Variants in GPC3 observed in about 807,000 individuals in gnomAD.
The protein encoded by GPC3 is glypican 3.
In GPC3, 3 loss-of-function variants were observed where a neutral mutation model predicts 34.4. The observed-to-expected ratio is 0.09, with a 90% CI of 0.04 to 0.23. GPC3 has a LOEUF of 0.23. Ranked by LOEUF, GPC3 falls within the 10% of genes least tolerant of loss-of-function variation. The pLI, the probability that GPC3 is intolerant of heterozygous loss-of-function variation, is 1.00. For synonymous variants in GPC3, 177 were observed against 174.0 expected (o/e 1.02, Z -0.13); for missense variants, 351 against 445.6 (o/e 0.79, Z 1.91).
intron 2 of GPC3, among the ~76,000 whole-genome samples, chrX:133,891,774 G>A (rs1288867595): frequency 9.8e-6 from 1 of 102,063 alleles, no homozygotes; most frequent in South Asian, 4.6e-4. Flanking sequence ...ACTCCAGCCT[G>A]GGCGACAGAG....
intron 6 of GPC3, among the ~76,000 whole-genome samples, chrX:133,654,691 G>A (rs1013073926): frequency 2.8e-5 from 3 of 108,341 alleles, no homozygotes; most frequent in Non-Finnish European, 5.7e-5. Flanking sequence ...CAGCCTGAGC[G>A]ACTGAGTGAG....
chrX:133,965,080 G>T (rs1486126774), intron 1 of GPC3, among the ~76,000 whole-genome samples: 1 of 111,450 alleles, frequency 9.0e-6, no homozygotes, highest in Non-Finnish European at 1.9e-5. Flanking sequence ...CTTCAAACAA[G>T]TTCCTCCTTA....
At chrX:133,726,647 A>G (rs1056460769) in intron 3 of GPC3, among the ~76,000 whole-genome samples, 1 of 111,061 alleles carries the variant, frequency 9.0e-6, no homozygotes, top group African/African-American at 3.3e-5. Flanking sequence ...TCTTGATCCC[A>G]TGTGCTCAAA....
chrX:133,797,385 C>T (rs2075587352), intron 2 of GPC3, among the ~76,000 whole-genome samples: 1 of 111,593 alleles, frequency 9.0e-6, no homozygotes, highest in South Asian at 3.8e-4. Flanking sequence ...TTATTACATG[C>T]TGCCATGCTT....
intron 6 of GPC3, among the ~76,000 whole-genome samples, chrX:133,622,245 T>C (rs2070241897): frequency 1.8e-5 from 2 of 111,686 alleles, no homozygotes; most frequent in South Asian, 3.8e-4. Flanking sequence ...TCGGAGCACC[T>C]CCTCTCCTCC....
chrX:133,576,339 G>A (rs1434533994), intron 7 of GPC3, among the ~76,000 whole-genome samples: 1 of 111,286 alleles, frequency 9.0e-6, no homozygotes, highest in African/African-American at 3.3e-5. Flanking sequence ...CTCCTCCTGG[G>A]TTCAAGTGAT....
rs193285517 is a variant in GPC3 at position 133,647,381 on chromosome X, G to A, written c.1413+14349C>T. On this transcript the variant is annotated intron_variant, in intron 6 of 7. Coordinates refer to ENST00000370818, the MANE Select transcript of GPC3 (RefSeq NM_004484.4). Reference sequence around the variant, plus strand: ...CTGCTCTGACCAGCAAGGGCACAGGGGTGCTAAGGTGGAGAGAAGAGGCAC... The same window carrying A: ...CTGCTCTGACCAGCAAGGGCACAGGAGTGCTAAGGTGGAGAGAAGAGGCAC... Among the ~76,000 whole-genome samples, 774 of 112,342 alleles carry A rather than the reference G, an allele frequency of 6.9e-3. 4 individuals are homozygous for A. Among genetic ancestry groups the A allele is most frequent in the Non-Finnish European group, 9.9e-3 (529 of 53,252 alleles).
intron 6 of GPC3, among the ~76,000 whole-genome samples, chrX:133,636,125 A>G (rs1025007110): frequency 4.5e-5 from 5 of 111,683 alleles, no homozygotes; most frequent in African/African-American, 1.3e-4. Flanking sequence ...TTCACAAAAG[A>G]AAAAAAACAT....
intron 2 of GPC3, among the ~76,000 whole-genome samples, chrX:133,876,875 T>TGC (rs2124579799): frequency 8.9e-6 from 1 of 111,922 alleles, no homozygotes; most frequent in South Asian, 3.7e-4. Flanking sequence ...TACCTTCATC[T>TGC]TCTTCCAAAA....
intron 7 of GPC3, among the ~76,000 whole-genome samples, chrX:133,577,348 AATTGC>A (rs768033785): frequency 2.5e-4 from 28 of 112,793 alleles, no homozygotes; most frequent in Non-Finnish European, 1.9e-5. Flanking sequence ...TTATTAAACA[AATTGC>A]ATAAATATAT....
At chrX:133,880,989 A>G (rs1175277561) in intron 2 of GPC3, among the ~76,000 whole-genome samples, 1 of 112,296 alleles carries the variant, frequency 8.9e-6, no homozygotes, top group African/African-American at 3.2e-5. Flanking sequence ...ACAGCAAGTA[A>G]CATGCTTTTT....
At chrX:133,910,823 T>G (rs780522019) in intron 2 of GPC3, among the ~76,000 whole-genome samples, 3 of 111,952 alleles carry the variant, frequency 2.7e-5, no homozygotes, top group Non-Finnish European at 5.6e-5. Context: ...GCTGATCAGA[T>G]TCTAACTAGC....
chrX:133,711,368 G>A (rs778340970), intron 3 of GPC3, among the ~76,000 whole-genome samples: 1 of 111,985 alleles, frequency 8.9e-6, no homozygotes, highest in African/African-American at 3.2e-5. Context: ...TCAAAGCATG[G>A]TCCTAAAATA....
chrX:133,905,109 C>T (rs2076162609), intron 2 of GPC3, among the ~76,000 whole-genome samples: 1 of 111,914 alleles, frequency 8.9e-6, no homozygotes, highest in African/African-American at 3.2e-5. Flanking sequence ...TTCTTAAAAC[C>T]ATTGTATTAA....
intron 2 of GPC3, among the ~76,000 whole-genome samples, chrX:133,794,656 T>C (rs996555488): frequency 1.8e-5 from 2 of 111,751 alleles, no homozygotes; most frequent in Admixed American, 9.5e-5. Flanking sequence ...CTACCATCAA[T>C]TGGGGTTGTA....
intron 3 of GPC3, among the ~76,000 whole-genome samples, chrX:133,749,646 T>A (rs1011125246): frequency 1.8e-5 from 2 of 111,771 alleles, no homozygotes; most frequent in African/African-American, 6.5e-5. Flanking sequence ...AGACCTCATG[T>A]CATGGCTTAA....
rs1316595523 is a variant in GPC3, at chrX:133,897,073, A to ATT, written c.337+55975_337+55976dup. Among the ~76,000 whole-genome samples, 27 of 108,649 alleles carry ATT rather than the reference A, an allele frequency of 2.5e-4. 1 individual carries two copies. Among genetic ancestry groups the ATT allele is most frequent in the Non-Finnish European group, 1.9e-5 (1 of 52,373 alleles). 94.3% of individuals were successfully genotyped at this position (108,649 alleles called of 115,157 possible). Reference sequence around the variant, plus strand: ...AGGCGCCCACAACCACGCCCAGCTAATTTTTTGTATTTTTAGTAGAGACAG... The same window carrying ATT: ...AGGCGCCCACAACCACGCCCAGCTAATTTTTTTTGTATTTTTAGTAGAGACAG... On this transcript the variant is annotated intron_variant, in intron 2 of 7. Coordinates refer to ENST00000370818, the MANE Select transcript of GPC3 (RefSeq NM_004484.4).
intron 1 of GPC3, among the ~76,000 whole-genome samples, chrX:133,957,319 A>C (rs2076420833): frequency 8.9e-6 from 1 of 112,821 alleles, no homozygotes; most frequent in Admixed American, 9.4e-5. Flanking sequence ...TTTTGTATTA[A>C]GTAAATTTCA....
At chrX:133,548,176 G>T (rs976451940) in intron 7 of GPC3, among the ~76,000 whole-genome samples, 1 of 111,979 alleles carries the variant, frequency 8.9e-6, no homozygotes, top group Non-Finnish European at 1.9e-5. Flanking sequence ...TGCAGCTACA[G>T]AGGTATGCAT....
Sources: allele counts gnomAD v4.1 joint callset (sites outside exome capture counted in the v4.1 genomes callset), GRCh38; gene constraint gnomAD v4.1.1; transcripts MANE v1.5; gene names NCBI Gene and HGNC (gene_info 2026-07-23, HGNC 2026-07-21).